The following TMEM50A variants were observed in gnomAD, a reference collection of about 807,000 sequenced individuals.
TMEM50A encodes transmembrane protein 50A.
TMEM50A carries 8 observed loss-of-function variants against 23.9 expected under a neutral mutation model. That is an observed-to-expected ratio of 0.33 (90% CI 0.20 to 0.60). TMEM50A has a LOEUF of 0.60. Among genes scored for constraint, TMEM50A ranks in the 20% least tolerant of loss-of-function variants. The probability of loss-of-function intolerance (pLI) is 0.81; values close to 1 mark genes in which losing one functional copy is unlikely to be tolerated. For missense variants in TMEM50A, 178 were observed against 192.7 expected (o/e 0.92, Z 0.45); for synonymous variants, 55 against 60.4 (o/e 0.91, Z 0.41).
At chr1:25,346,605 G>T (rs1231719472) in intron 3 of TMEM50A, among the ~76,000 whole-genome samples, 2 of 152,116 alleles carry the variant, frequency 1.3e-5, no homozygotes, top group African/African-American at 4.8e-5. Flanking sequence ...TCACTATGTT[G>T]CCCAGGCTGT....
rs60773283 is a variant in TMEM50A at position 25,357,609 on chromosome 1, AGTGTGTGTGT to A, written c.428+787_428+796del. Reference sequence around the variant, plus strand: ...GAGACAGAGTCTCAGTCTCTCACCCAGTGTGTGTGTGTGTGTGTGTGTGTGTGTGTGTGTG... The same window carrying A: ...GAGACAGAGTCTCAGTCTCTCACCCAGTGTGTGTGTGTGTGTGTGTGTGTG... On this transcript the variant is annotated intron_variant, in intron 6 of 6. Coordinates refer to ENST00000374358, the MANE Select transcript of TMEM50A (RefSeq NM_014313.4). Among the ~76,000 whole-genome samples the A allele has an allele frequency of 1.1e-3, 127 of 111,534 alleles. No individual in the cohort carries two copies. In the Middle Eastern group the frequency reaches 0.032, roughly 28 times the overall value. 73.2% of individuals were successfully genotyped at this position (111,534 alleles called of 152,430 possible). A position where few individuals can be genotyped will look rare whatever the true frequency, so the allele number is the denominator to read the frequency against.
chr1:25,346,013 C>T (rs1645211785), intron 3 of TMEM50A, among the ~76,000 whole-genome samples: 1 of 151,986 alleles, frequency 6.6e-6, no homozygotes, highest in African/African-American at 2.4e-5. Context: ...GTCTTGAACT[C>T]CTGACCTCAA....
intron 3 of TMEM50A, 116 bp downstream of exon 3, chr1:25,343,189 G>T: frequency 1.3e-6 from 1 of 759,858 alleles, no homozygotes; most frequent in Non-Finnish European, 2.1e-6. Flanking sequence ...CACTGGACAT[G>T]ATTTAAAAGT....
rs1234903323 is a variant in TMEM50A at position 25,360,770 on chromosome 1, C to T, written c.*65C>T. 1 of 1,545,252 alleles carries T rather than the reference C, an allele frequency of 6.5e-7. No homozygotes were observed. Among genetic ancestry groups the T allele is most frequent in the East Asian group, 2.3e-5 (1 of 44,428 alleles). On this transcript the variant is annotated 3_prime_UTR_variant, in exon 7 of 7. Coordinates refer to ENST00000374358, the MANE Select transcript of TMEM50A (RefSeq NM_014313.4). ...TTTGTTTGTTTTTTTACTGCTCACT[C>T]CCAACCTTTTGTAATGCCATTTTCT...
In TMEM50A at chr1:25,341,055, C is replaced by G. The variant is rs576538392; in HGVS notation, c.93+476C>G. Among the ~76,000 whole-genome samples the G allele has an allele frequency of 2.0e-5, 3 of 151,604 alleles. No homozygotes were observed. In the South Asian group the frequency reaches 6.2e-4, roughly 32 times the overall value. On this transcript the variant is annotated intron_variant, in intron 2 of 6. Transcript: ENST00000374358. ...CCCCTTAAAATTTTTTTTTAAAAAG[C>G]AAAAACAAAAAGGAAACTCATTAAA... is the stretch of plus-strand genomic sequence containing the variant.
At chr1:25,348,683 CAAAAA>C (rs57543271) in intron 3 of TMEM50A, among the ~76,000 whole-genome samples, 1 of 141,324 alleles carries the variant, frequency 7.1e-6, no homozygotes, top group African/African-American at 2.6e-5. Context: ...GACTCCATCT[CAAAAA>C]AAAAAAAAAG....
chr1:25,349,634 T>TC (rs1470802515), intron 3 of TMEM50A, among the ~76,000 whole-genome samples: 1 of 152,212 alleles, frequency 6.6e-6, no homozygotes, highest in Non-Finnish European at 1.5e-5. Context: ...CTTTTTTTTT[T>TC]CATAGATACA....
At chr1:25,353,600 C>T (rs943228300) in intron 5 of TMEM50A, among the ~76,000 whole-genome samples, 1 of 152,180 alleles carries the variant, frequency 6.6e-6, no homozygotes, top group Non-Finnish European at 1.5e-5. Context: ...AGTTAAGCCT[C>T]CCTGGTAATA....
chr1:25,354,719 T>C (rs1645315581), intron 5 of TMEM50A, among the ~76,000 whole-genome samples: 1 of 152,228 alleles, frequency 6.6e-6, no homozygotes, highest in Admixed American at 6.5e-5. Context: ...GTTATTATCA[T>C]AATTTTTATC....
chr1:25,360,610 T>C (rs1374547065), intron 6 of TMEM50A, 50 bp from the exon 7 acceptor site: 1 of 1,599,308 alleles, frequency 6.3e-7, no homozygotes, highest in Admixed American at 1.7e-5. Flanking sequence ...TCTCACATAC[T>C]CTTTTCTCAA....
At chr1:25,340,418 G>T in intron 1 of TMEM50A, 56 bp from the exon 2 acceptor site, 2 of 1,266,146 alleles carry the variant, frequency 1.6e-6, no homozygotes, top group Non-Finnish European at 1.1e-6. Flanking sequence ...TATTTTTCGG[G>T]CTTGAAGCAA....
intron 6 of TMEM50A, among the ~76,000 whole-genome samples, chr1:25,360,263 G>A (rs1645383832): frequency 1.3e-5 from 2 of 151,612 alleles, no homozygotes; most frequent in Admixed American, 6.6e-5. Flanking sequence ...GCAGGAGAAT[G>A]GCATGAACCC....
intron 3 of TMEM50A, among the ~76,000 whole-genome samples, chr1:25,349,924 T>C (rs1645259465): frequency 6.6e-6 from 1 of 152,254 alleles, no homozygotes; most frequent in Non-Finnish European, 1.5e-5. Context: ...GTATAATGTT[T>C]TGTAACTTTA....
At chr1:25,339,207 G>A (rs192613880) in intron 1 of TMEM50A, among the ~76,000 whole-genome samples, 1 of 152,286 alleles carries the variant, frequency 6.6e-6, no homozygotes, top group East Asian at 1.9e-4. Context: ...GTTGTTATTC[G>A]CAAGTTATAT....
intron 3 of TMEM50A, among the ~76,000 whole-genome samples, chr1:25,343,503 G>A (rs1645185694): frequency 6.6e-6 from 1 of 152,104 alleles, no homozygotes; most frequent in South Asian, 2.1e-4. Context: ...AATAGAGAAA[G>A]GAGATATGTG....
At chr1:25,358,705 A>G (rs567022377) in intron 6 of TMEM50A, among the ~76,000 whole-genome samples, 3 of 152,212 alleles carry the variant, frequency 2.0e-5, no homozygotes, top group Non-Finnish European at 4.4e-5. Flanking sequence ...ACAGTGTAGG[A>G]GGGACTGGTC....
intron 6 of TMEM50A, among the ~76,000 whole-genome samples, chr1:25,357,535 GTGTGTGTGTGTGTGTGTGTGTGTGTGT>G (rs1221970614): frequency 1.4e-5 from 2 of 144,674 alleles, no homozygotes; most frequent in African/African-American, 5.3e-5. Flanking sequence ...AGGAGTGTGT[GTGTGTGTGTGTGTGTGTGTGTGTGTGT>G]TGTGTGTGTG....
At chr1:25,353,936 C>T (rs1245315788) in intron 5 of TMEM50A, among the ~76,000 whole-genome samples, 1 of 152,014 alleles carries the variant, frequency 6.6e-6, no homozygotes, top group Admixed American at 6.5e-5. Flanking sequence ...ATCATTTAAT[C>T]TCATAGATGG....
chr1:25,353,357 A>G (rs538686767), intron 5 of TMEM50A, among the ~76,000 whole-genome samples: 1 of 152,276 alleles, frequency 6.6e-6, no homozygotes, highest in East Asian at 1.9e-4. Context: ...ATCATGGCCC[A>G]CTGCAGCCTC....
Sources: gnomAD v4.1 joint callset for allele counts (sites outside exome capture counted in the v4.1 genomes callset) on GRCh38, gnomAD v4.1.1 for gene constraint, MANE v1.5 for transcripts, NCBI Gene and HGNC (gene_info 2026-07-23, HGNC 2026-07-21) for gene names.